The following PLCL2 variants were observed in gnomAD, a reference collection of about 807,000 sequenced individuals.
The protein encoded by PLCL2 is phospholipase C like 2, also known as inactive phospholipase C-like protein 2.
PLCL2 carries 4 observed loss-of-function variants against 79.6 expected under a neutral mutation model. That is an observed-to-expected ratio of 0.05 (90% confidence interval 0.02 to 0.11). PLCL2 has a LOEUF of 0.11. PLCL2 is among the 10% of genes least tolerant of loss of function. PLCL2 has a pLI of 1.00. For synonymous variants in PLCL2, 484 were observed against 457.7 expected (o/e 1.06, Z -0.73); for missense variants, 895 against 1,291.0 (o/e 0.69, Z 4.70).
intron 3 of PLCL2, among the ~76,000 whole-genome samples, chr3:17,031,928 CCTTT>C (rs1231300576): frequency 2.2e-5 from 3 of 136,394 alleles, no homozygotes. Flanking sequence ...TCAATTTTCA[CCTTT>C]TTTTTTTTTT....
chr3:16,956,587 T>C (rs1046512336), intron 1 of PLCL2, among the ~76,000 whole-genome samples: 3 of 152,200 alleles, frequency 2.0e-5, no homozygotes, highest in African/African-American at 7.2e-5. Flanking sequence ...TTGATTGGAA[T>C]AGTTTCAGAA....
chr3:17,058,348 T>C (rs1352266735), intron 4 of PLCL2, among the ~76,000 whole-genome samples: 1 of 152,142 alleles, frequency 6.6e-6, no homozygotes, highest in East Asian at 1.9e-4. Context: ...ACAAATTTGG[T>C]GTTAGACTGC....
chr3:17,074,858 C>T (rs1344390318), intron 5 of PLCL2, among the ~76,000 whole-genome samples: 2 of 152,220 alleles, frequency 1.3e-5, no homozygotes, highest in East Asian at 1.9e-4. Context: ...AGAGTTAGGG[C>T]CTTGCTCTGG....
At chr3:17,024,743 C>T (rs1226509143) in intron 3 of PLCL2, among the ~76,000 whole-genome samples, 1 of 152,088 alleles carries the variant, frequency 6.6e-6, no homozygotes, top group Admixed American at 6.5e-5. Context: ...ACTCATAGCT[C>T]ATTAATGCAT....
intron 4 of PLCL2, among the ~76,000 whole-genome samples, chr3:17,047,505 C>T (rs1428143839): frequency 6.6e-6 from 1 of 152,172 alleles, no homozygotes; most frequent in East Asian, 1.9e-4. Context: ...AAAGCTCCAG[C>T]GTATTTTCAT....
At chr3:17,050,666 A>G (rs2064830184) in intron 4 of PLCL2, among the ~76,000 whole-genome samples, 1 of 152,190 alleles carries the variant, frequency 6.6e-6, no homozygotes, top group Non-Finnish European at 1.5e-5. Flanking sequence ...GAGGCTGTGG[A>G]GAAAAGGGAA....
At chr3:17,088,762 A>G (rs74345114) in intron 5 of PLCL2, among the ~76,000 whole-genome samples, 2,697 of 152,222 alleles carry the variant, frequency 0.018, 42 homozygotes, top group Non-Finnish European at 0.027. Flanking sequence ...CCCACCTCCA[A>G]AGAATTCTCT....
At chr3:17,049,109 T>TTA (rs71049184) in intron 4 of PLCL2, among the ~76,000 whole-genome samples, 8 of 152,224 alleles carry the variant, frequency 5.3e-5, no homozygotes, top group Non-Finnish European at 1.0e-4. Flanking sequence ...AGTTTTTTTT[T>TTA]ATCTCACATT....
chr3:16,885,216 C>T lies in PLCL2; in HGVS notation c.177C>T (p.Cys59=), dbSNP rs571435934. The stretch of plus-strand genomic sequence containing the variant: ...GCGGCGGGGTTTCCAACGGAGACTG[C>T]AGCCTCGGCGTGTCCGGGGACGAAG... ...YDSGGVSNGD[C]SLGVSGDEAR... is the part of the protein sequence containing the mutation. Residue 59 remains cysteine, a synonymous_variant, in exon 1 of 6, where the codon TGC becomes TGT. Coordinates refer to ENST00000615277, the MANE Select transcript of PLCL2 (RefSeq NM_001144382.2). 1.1e-5 allele frequency: 7 copies of T among 654,042 alleles called. No individual in the cohort carries two copies. Among genetic ancestry groups the T allele is most frequent in the South Asian group, 4.8e-5 (3 of 62,788 alleles). The allele number at this position is 654,042 out of a possible 1,614,324, so 40.5% of individuals were successfully genotyped here.
chr3:16,931,711 G>C (rs920918613), intron 1 of PLCL2, among the ~76,000 whole-genome samples: 3 of 152,226 alleles, frequency 2.0e-5, no homozygotes, highest in African/African-American at 7.2e-5. Flanking sequence ...TTAAGGTTCA[G>C]TTTTCTCCCT....
intron 1 of PLCL2, among the ~76,000 whole-genome samples, chr3:16,890,800 G>A (rs1350618305): frequency 1.3e-5 from 2 of 152,162 alleles, no homozygotes; most frequent in East Asian, 1.9e-4. Context: ...CATGAGTGTC[G>A]TTTGTGACTC....
chr3:16,890,779 G>T (rs904339316), intron 1 of PLCL2, among the ~76,000 whole-genome samples: 1 of 152,210 alleles, frequency 6.6e-6, no homozygotes, highest in African/African-American at 2.4e-5. Flanking sequence ...AATTGAGAGG[G>T]TTGTGCTTAG....
At chr3:16,932,551 A>T (rs1000252724) in intron 1 of PLCL2, among the ~76,000 whole-genome samples, 3 of 152,178 alleles carry the variant, frequency 2.0e-5, no homozygotes, top group Non-Finnish European at 4.4e-5. Flanking sequence ...AAGAAGTAAG[A>T]TGTTTCATAA....
chr3:17,005,102 T>C (rs1018467563), intron 1 of PLCL2, among the ~76,000 whole-genome samples: 6 of 152,074 alleles, frequency 3.9e-5, no homozygotes, highest in African/African-American at 1.4e-4. Context: ...ATGATGTTTT[T>C]TGAGGAATAA....
chr3:16,890,753 A>G (rs1472975501), intron 1 of PLCL2, among the ~76,000 whole-genome samples: 2 of 152,108 alleles, frequency 1.3e-5, no homozygotes, highest in Non-Finnish European at 2.9e-5. Context: ...GCTTTTTTCT[A>G]CTGATAAGAT....
At chr3:16,914,511 T>G (rs1210787587) in intron 1 of PLCL2, among the ~76,000 whole-genome samples, 2 of 151,898 alleles carry the variant, frequency 1.3e-5, no homozygotes, top group Non-Finnish European at 2.9e-5. Flanking sequence ...TAAACTGAAT[T>G]TAAATTTCCA....
At chr3:17,079,777 C>T (rs1053411697) in intron 5 of PLCL2, among the ~76,000 whole-genome samples, 1 of 152,188 alleles carries the variant, frequency 6.6e-6, no homozygotes, top group African/African-American at 2.4e-5. Flanking sequence ...GTACAAACCT[C>T]TGAGCACAAC....
chr3:16,937,777 C>A (rs566026105), intron 1 of PLCL2, among the ~76,000 whole-genome samples: 1 of 152,044 alleles, frequency 6.6e-6, no homozygotes, highest in South Asian at 2.1e-4. Context: ...TCCCTGTTGC[C>A]GATTTTAAAA....
chr3:17,007,190 A>G (rs1193918372), intron 1 of PLCL2, among the ~76,000 whole-genome samples: 1 of 152,162 alleles, frequency 6.6e-6, no homozygotes, highest in African/African-American at 2.4e-5. Flanking sequence ...GTGGTGGCTC[A>G]CACCTGTAAT....
Sources: gnomAD v4.1 joint callset for allele counts (sites outside exome capture counted in the v4.1 genomes callset) on GRCh38, gnomAD v4.1.1 for gene constraint, MANE v1.5 for transcripts, NCBI Gene and HGNC (gene_info 2026-07-23, HGNC 2026-07-21) for gene names.